The following C12orf42 variants were observed in gnomAD, a reference collection of about 807,000 sequenced individuals.
C12orf42 encodes uncharacterized protein C12orf42.
In C12orf42, 25 loss-of-function variants were observed where a neutral mutation model predicts 21.6. The observed-to-expected ratio is 1.16, with a 90% CI of 0.84 to 1.62. The LOEUF (loss-of-function observed/expected upper bound fraction) is 1.62. Among genes scored for constraint, C12orf42 ranks in the 40% most tolerant of loss-of-function variants. The probability of loss-of-function intolerance (pLI) is 0.00; values close to 1 mark genes in which losing one functional copy is unlikely to be tolerated. For synonymous variants in C12orf42, 174 were observed against 175.0 expected (o/e 0.99, Z 0.05); for missense variants, 483 against 459.3 (o/e 1.05, Z -0.47).
chr12:103,164,812 G>A, the C12orf42 span: 2 of 425,166 alleles, frequency 4.7e-6, no homozygotes, highest in Admixed American at 5.2e-5. Context: ...TTCAGTAGGA[G>A]AGACAAGATA....
chr12:103,340,800 G>T (rs2137231502), intron 4 of C12orf42, among the ~76,000 whole-genome samples: 1 of 152,332 alleles, frequency 6.6e-6, no homozygotes, highest in East Asian at 1.9e-4. Context: ...ATTGCAGAAA[G>T]AAAGGTTAGT....
the C12orf42 span, among the ~76,000 whole-genome samples, chr12:103,181,566 G>T: frequency 6.6e-6 from 1 of 152,210 alleles, no homozygotes; most frequent in Non-Finnish European, 1.5e-5. Context: ...AGTAGCCTGT[G>T]TAAGCTGAAA....
chr12:103,142,020 TA>T, the C12orf42 span, among the ~76,000 whole-genome samples: 14 of 152,264 alleles, frequency 9.2e-5, no homozygotes, highest in African/African-American at 3.1e-4. Context: ...ACATAGAAAC[TA>T]AAAACATCCT....
intron 4 of C12orf42, among the ~76,000 whole-genome samples, chr12:103,306,785 A>G (rs1481328606): frequency 6.6e-6 from 1 of 152,206 alleles, no homozygotes; most frequent in African/African-American, 2.4e-5. Context: ...ATTTGGAAAT[A>G]GGGTCTTTGA....
chr12:103,315,052 C>T (rs1035878676), intron 4 of C12orf42, among the ~76,000 whole-genome samples: 2 of 152,202 alleles, frequency 1.3e-5, no homozygotes, highest in Admixed American at 6.5e-5. Context: ...TTTGAAGCCT[C>T]TGACCCCTGC....
At chr12:103,054,218 T>A in the C12orf42 span, among the ~76,000 whole-genome samples, 1 of 151,870 alleles carries the variant, frequency 6.6e-6, no homozygotes, top group Admixed American at 6.6e-5. Flanking sequence ...CAATCCATGA[T>A]CATGGTATAT....
chr12:103,126,993 A>G, the C12orf42 span, among the ~76,000 whole-genome samples: 1 of 152,238 alleles, frequency 6.6e-6, no homozygotes, highest in Non-Finnish European at 1.5e-5. Flanking sequence ...CACGATAAAA[A>G]TTCAAATGTG....
At chr12:103,231,005 A>C in the C12orf42 span, among the ~76,000 whole-genome samples, 1 of 152,132 alleles carries the variant, frequency 6.6e-6, no homozygotes, top group African/African-American at 2.4e-5. Context: ...TTACAGTATA[A>C]TTTCCAGTAT....
the C12orf42 span, among the ~76,000 whole-genome samples, chr12:103,088,401 A>T: frequency 6.6e-6 from 1 of 152,328 alleles, no homozygotes; most frequent in Admixed American, 6.5e-5. Flanking sequence ...GAAGACACTT[A>T]TGGGACAGTT....
downstream of C12orf42, chr12:103,268,531 C>T (rs1461847220): frequency 2.0e-5 from 3 of 151,148 alleles, no homozygotes; most frequent in Admixed American, 6.6e-5. Context: ...CAGGATCAAG[C>T]TCATGACGTC....
chr12:103,228,985 C>T, the C12orf42 span, among the ~76,000 whole-genome samples: 10 of 152,030 alleles, frequency 6.6e-5, no homozygotes, highest in Non-Finnish European at 1.0e-4. Context: ...ACAAACATAA[C>T]CTCATTCCAT....
intron 10 of C12orf42, among the ~76,000 whole-genome samples, chr12:103,248,206 C>A (rs921889514): frequency 6.6e-6 from 1 of 151,936 alleles, no homozygotes; most frequent in Non-Finnish European, 1.5e-5. Context: ...ACTTCATTTT[C>A]TTTGTAAAAC....
intron 3 of C12orf42, among the ~76,000 whole-genome samples, chr12:103,372,321 A>G (rs2045323518): frequency 6.6e-6 from 1 of 152,180 alleles, no homozygotes; most frequent in Middle Eastern, 3.2e-3. Context: ...CCATTTAAAC[A>G]GTGGTTCTCA....
intron 3 of C12orf42, among the ~76,000 whole-genome samples, chr12:103,379,618 G>A (rs932784457): frequency 6.6e-6 from 1 of 152,136 alleles, no homozygotes; most frequent in South Asian, 2.1e-4. Context: ...CTTGGACAAA[G>A]GAATCATAAT....
chr12:103,301,334 G>T (rs1439677475), downstream of C12orf42, among the ~76,000 whole-genome samples: 1 of 151,610 alleles, frequency 6.6e-6, no homozygotes, highest in Non-Finnish European at 1.5e-5. Context: ...TTTCTGAAGG[G>T]GAAAAAAACC....
chr12:103,547,860 G>C, the C12orf42 span: 1 of 152,200 alleles, frequency 6.6e-6, no homozygotes, highest in Admixed American at 6.5e-5. Flanking sequence ...CACCTTGAGT[G>C]TACAATGGAG....
the C12orf42 span, among the ~76,000 whole-genome samples, chr12:103,524,312 A>T: frequency 6.6e-6 from 1 of 152,160 alleles, no homozygotes; most frequent in Non-Finnish European, 1.5e-5. Flanking sequence ...GCTTGGTCCT[A>T]TAAGGAGGAA....
At chr12:103,426,089 C>A (rs973557653) in intron 2 of C12orf42, among the ~76,000 whole-genome samples, 24 of 152,256 alleles carry the variant, frequency 1.6e-4, no homozygotes, top group African/African-American at 4.6e-4. Flanking sequence ...AGCAAGGGAA[C>A]AAAACTGGAC....
At chr12:103,199,891 A>G in the C12orf42 span, among the ~76,000 whole-genome samples, 1 of 152,202 alleles carries the variant, frequency 6.6e-6, no homozygotes, top group Non-Finnish European at 1.5e-5. Context: ...GGGTATGTGA[A>G]TTGGTACAGC....
Sources: gnomAD v4.1 joint callset for allele counts (sites outside exome capture counted in the v4.1 genomes callset) on GRCh38, gnomAD v4.1.1 for gene constraint, MANE v1.5 for transcripts, NCBI Gene and HGNC (gene_info 2026-07-23, HGNC 2026-07-21) for gene names.